RXFP2: variants seen among roughly 807,000 people sequenced by gnomAD.
RXFP2 encodes relaxin receptor 2.
RXFP2 carries 68 observed loss-of-function variants against 88.6 expected under a neutral mutation model. That is an observed-to-expected ratio of 0.77 (90% CI 0.63 to 0.94). The LOEUF (loss-of-function observed/expected upper bound fraction) is 0.94, where lower values mean the gene tolerates loss of function less well. Ranked by LOEUF, RXFP2 falls within the 40% of genes least tolerant of loss-of-function variation. The pLI, the probability that RXFP2 is intolerant of heterozygous loss-of-function variation, is 0.00. For synonymous variants in RXFP2, 329 were observed against 306.8 expected (o/e 1.07, Z -0.76); for missense variants, 791 against 893.9 (o/e 0.88, Z 1.47).
intron 9 of RXFP2, 99 bp downstream of exon 9, chr13:31,778,682 C>A: frequency 1.1e-6 from 1 of 916,184 alleles, no homozygotes; most frequent in Non-Finnish European, 1.8e-6. Flanking sequence ...TCTATAATTT[C>A]TTTCCAAAAT....
In RXFP2 at chr13:31,797,202, T is replaced by C. The variant is rs1358370007; in HGVS notation, c.1788T>C (p.Gly596=). 6.2e-7 allele frequency: 1 copy of C among 1,606,968 alleles called. No homozygotes were observed. Among genetic ancestry groups the C allele is most frequent in the Non-Finnish European group, 8.5e-7 (1 of 1,173,496 alleles). Residue 596 remains glycine, a splice_region_variant and synonymous_variant, in exon 17 of 18, where the codon GGT becomes GGC. Transcript: ENST00000298386. Reference sequence around the variant, plus strand: ...TTAAAAGTGTGCTTTTCCCAACAGGTGTGAACTTGCTGGCTTTTCTCATCA... The same window carrying C: ...TTAAAAGTGTGCTTTTCCCAACAGGCGTGAACTTGCTGGCTTTTCTCATCA... ...SKGYSLGIFL[G]VNLLAFLIIV... is the part of the protein sequence containing the mutation.
At chr13:31,796,073 G>A (rs1160432412) in intron 16 of RXFP2, among the ~76,000 whole-genome samples, 5 of 110,284 alleles carry the variant, frequency 4.5e-5, no homozygotes, top group Non-Finnish European at 8.7e-5. Context: ...TTTTTGAGAC[G>A]GAGTCTTGCT....
chr13:31,752,495 A>T (rs763622210), intron 1 of RXFP2, among the ~76,000 whole-genome samples: 6 of 152,188 alleles, frequency 3.9e-5, no homozygotes, highest in Non-Finnish European at 1.5e-5. Flanking sequence ...AAGAAACACC[A>T]TCCAGGCGGG....
rs905544314 is a variant in RXFP2, at chr13:31,786,405, A to G, written c.952A>G (p.Thr318Ala). The G allele has an allele frequency of 1.2e-6, 2 of 1,608,568 alleles. No homozygotes were observed. Among genetic ancestry groups the G allele is most frequent in the East Asian group, 2.2e-5 (1 of 44,822 alleles). ...GELDLSSNTI[T>A]ELSPHLFKDL... ...CAGGGATCTGTCTAGCAATACGATAACGGAACTATCACCTCACCTTTTTAA... is the reference window on the plus strand; with the variant it reads ...CAGGGATCTGTCTAGCAATACGATAGCGGAACTATCACCTCACCTTTTTAA... Residue 318 changes from threonine to alanine, a missense_variant, in exon 12 of 18, where the codon ACG becomes GCG. Thr to Ala is a moderately conservative substitution (Grantham distance 58). Transcript: ENST00000298386.
At position 31,786,258 on chromosome 13, in the gene RXFP2, T is replaced by A. The variant is rs905082571; in HGVS notation, c.930-125T>A. On this transcript the variant is annotated intron_variant, in intron 11 of 17. Coordinates refer to ENST00000298386, the MANE Select transcript of RXFP2 (RefSeq NM_130806.5). The stretch of plus-strand genomic sequence containing the variant: ...TACGGCCCTGTTGTGTAACAAGTTA[T>A]CAGGTTGGTTAAATTGGATTCATAT... 15 of 771,366 alleles carry A rather than the reference T, an allele frequency of 1.9e-5. No individual in the cohort carries two copies. The South Asian group carries it at 2.2e-4, about 11-fold the overall frequency. 47.8% of individuals were successfully genotyped at this position (771,366 alleles called of 1,614,324 possible). A position where few individuals can be genotyped will look rare whatever the true frequency, so the allele number is the denominator to read the frequency against.
chr13:31,801,404 G>T lies in RXFP2; in HGVS notation c.2006-742G>T, dbSNP rs1459872025. On this transcript the variant is annotated intron_variant, in intron 17 of 17. Transcript: ENST00000298386. Reference sequence around the variant, plus strand: ...TTTAACAGAGAGAGCAGATGAAGTTGAGGAAGCATAAGTGATTCGCTCACA... The same window carrying T: ...TTTAACAGAGAGAGCAGATGAAGTTTAGGAAGCATAAGTGATTCGCTCACA... Among the ~76,000 whole-genome samples, 11 of 152,126 alleles carry T rather than the reference G, an allele frequency of 7.2e-5. No homozygotes were observed. The East Asian group carries it at 2.1e-3, about 29-fold the overall frequency.
At chr13:31,773,238 C>G (rs1872797986) in intron 5 of RXFP2, among the ~76,000 whole-genome samples, 1 of 152,176 alleles carries the variant, frequency 6.6e-6, no homozygotes, top group Admixed American at 6.5e-5. Context: ...TAAGATGGCA[C>G]AAGGTCACAC....
chr13:31,754,976 T>G (rs1429755671), intron 1 of RXFP2, among the ~76,000 whole-genome samples: 1 of 152,228 alleles, frequency 6.6e-6, no homozygotes, highest in Non-Finnish European at 1.5e-5. Context: ...AAATTGCCTG[T>G]GTGCCGACAT....
At chr13:31,782,615 A>G (rs374413457) in intron 10 of RXFP2, 61 bp from the exon 11 acceptor site, 141 of 1,237,794 alleles carry the variant, frequency 1.1e-4, no homozygotes, top group Non-Finnish European at 1.3e-4. Flanking sequence ...GCCTCTCCCA[A>G]TGAGAACTGA....
At chr13:31,768,330 T>C (rs1872624621) in intron 5 of RXFP2, among the ~76,000 whole-genome samples, 1 of 152,208 alleles carries the variant, frequency 6.6e-6, no homozygotes, top group African/African-American at 2.4e-5. Flanking sequence ...ACCAAGTGTC[T>C]ATTATATGTA....
intron 1 of RXFP2, among the ~76,000 whole-genome samples, chr13:31,746,743 G>A (rs1871435317): frequency 1.0e-5 from 1 of 95,302 alleles, no homozygotes; most frequent in South Asian, 5.0e-4. Flanking sequence ...GGGACATTCT[G>A]TTTCAACCCC....
At chr13:31,766,582 G>A (rs1458725211) in intron 5 of RXFP2, among the ~76,000 whole-genome samples, 2 of 152,108 alleles carry the variant, frequency 1.3e-5, no homozygotes, top group Admixed American at 6.6e-5. Context: ...ATCCAAGAAA[G>A]AAAACCGGGA....
chr13:31,777,984 A>G (rs1388310986), intron 8 of RXFP2, among the ~76,000 whole-genome samples: 1 of 150,114 alleles, frequency 6.7e-6, no homozygotes, highest in African/African-American at 2.5e-5. Context: ...TAACATCATT[A>G]TTTTTCCATT....
chr13:31,781,166 A>G (rs1873251104), intron 9 of RXFP2, among the ~76,000 whole-genome samples: 1 of 152,210 alleles, frequency 6.6e-6, no homozygotes, highest in Non-Finnish European at 1.5e-5. Context: ...ATAATGATCA[A>G]TGACGCCACA....
Position 31,792,613 on chromosome 13 carries a change from TAATC to T in RXFP2, c.1376-63_1376-60del, listed in dbSNP as rs567885388. ...AAAATTAAAATGCTGGAAATAGACTTAATCAGAAAACTAAAACAGGGACATTGGA... is the reference window on the plus strand; with the variant it reads ...AAAATTAAAATGCTGGAAATAGACTTAGAAAACTAAAACAGGGACATTGGA... On this transcript the variant is annotated intron_variant, in intron 15 of 17. Coordinates refer to ENST00000298386, the MANE Select transcript of RXFP2 (RefSeq NM_130806.5). The T allele has an allele frequency of 1.1e-4, 160 of 1,480,406 alleles. No individual in the cohort carries two copies. In the East Asian group the frequency reaches 3.5e-3, roughly 32 times the overall value. The allele number at this position is 1,480,406 out of a possible 1,614,324, so 91.7% of individuals were successfully genotyped here. A position where few individuals can be genotyped will look rare whatever the true frequency, so the allele number is the denominator to read the frequency against.
intron 1 of RXFP2, 32 bp downstream of exon 1, chr13:31,739,738 T>G (rs1172170784): frequency 7.7e-7 from 1 of 1,302,820 alleles, no homozygotes; most frequent in Admixed American, 1.7e-5. Context: ...TTTAAATGAG[T>G]GCAATTCCCA....
chr13:31,758,214 C>T (rs1466527053), intron 1 of RXFP2, 44 bp from the exon 2 acceptor site: 2 of 1,610,826 alleles, frequency 1.2e-6, no homozygotes, highest in Non-Finnish European at 1.7e-6. Context: ...ACGGAGAGAG[C>T]TTGGCCATGG....
At chr13:31,756,575 A>G (rs1297452577) in intron 1 of RXFP2, among the ~76,000 whole-genome samples, 1 of 150,562 alleles carries the variant, frequency 6.6e-6, no homozygotes, top group Non-Finnish European at 1.5e-5. Context: ...ACCTATAGAC[A>G]TTCCTGTGTC....
chr13:31,762,411 C>G (rs181590365), intron 3 of RXFP2, among the ~76,000 whole-genome samples: 2 of 152,174 alleles, frequency 1.3e-5, no homozygotes, highest in African/African-American at 4.8e-5. Context: ...TCAGAAGATG[C>G]GCAGCAGGCT....
Sources: gnomAD v4.1 joint callset for allele counts (sites outside exome capture counted in the v4.1 genomes callset) on GRCh38, gnomAD v4.1.1 for gene constraint, MANE v1.5 for transcripts, NCBI Gene and HGNC (gene_info 2026-07-23, HGNC 2026-07-21) for gene names.